IBTK: variants seen among roughly 807,000 people sequenced by gnomAD.
The protein encoded by IBTK is inhibitor of Bruton tyrosine kinase.
IBTK carries 83 observed loss-of-function variants against 154.9 expected under a neutral mutation model. The ratio of observed to expected loss-of-function variants is 0.54; its 90% CI spans 0.45 to 0.64. IBTK has a LOEUF of 0.64. Ranked by LOEUF, IBTK falls within the 30% of genes least tolerant of loss-of-function variation. IBTK has a pLI of 0.00. For missense variants in IBTK, 1,332 were observed against 1,584.6 expected (o/e 0.84, Z 2.71); for synonymous variants, 515 against 536.1 (o/e 0.96, Z 0.54).
intron 4 of IBTK, 136 bp from the exon 5 acceptor site, chr6:82,227,438 A>G: frequency 2.2e-6 from 1 of 453,060 alleles, no homozygotes; most frequent in East Asian, 3.5e-5. Context: ...TTTAATTTCC[A>G]CATTTTAAGT....
chr6:82,191,954 A>T, intron 23 of IBTK, 75 bp from the exon 24 acceptor site: 1 of 722,850 alleles, frequency 1.4e-6, no homozygotes, highest in East Asian at 2.7e-5. Flanking sequence ...CACTGAAATG[A>T]TAAGTGATAT....
chr6:82,191,295 A>G, intron 24 of IBTK, 79 bp from the exon 25 acceptor site: 2 of 1,109,926 alleles, frequency 1.8e-6, no homozygotes, highest in Non-Finnish European at 2.6e-6. Context: ...GCTAGAAATT[A>G]TATCAATTAA....
Position 82,247,696 on chromosome 6 carries a change from G to C in IBTK, c.-492C>G. ...CCAGTCCCCAGACCCGGGTCAGTTCGGCAGGCGGCTGCAATACAGCCGCTA... is the reference window on the plus strand; with the variant it reads ...CCAGTCCCCAGACCCGGGTCAGTTCCGCAGGCGGCTGCAATACAGCCGCTA... On this transcript the variant is annotated 5_prime_UTR_variant, in exon 1 of 29. Coordinates refer to ENST00000306270, the MANE Select transcript of IBTK (RefSeq NM_015525.4). The C allele has an allele frequency of 2.5e-6, 1 of 398,606 alleles. No individual in the cohort carries two copies. The highest frequency in any genetic ancestry group is 4.4e-6 in the Non-Finnish European group (1 of 226,142). The allele number at this position is 398,606 out of a possible 1,614,324, so 24.7% of individuals were successfully genotyped here.
intron 2 of IBTK, among the ~76,000 whole-genome samples, chr6:82,236,044 T>C (rs559652988): frequency 1.1e-3 from 164 of 152,274 alleles, no homozygotes; most frequent in African/African-American, 3.8e-3. Context: ...CAGCTACTTT[T>C]TGTATTTTTA....
chr6:82,220,789 A>G, intron 8 of IBTK, 76 bp from the exon 9 acceptor site: 1 of 1,178,838 alleles, frequency 8.5e-7, no homozygotes, highest in Non-Finnish European at 1.2e-6. Context: ...AGAAGTTAGT[A>G]TTCAAACAAC....
At position 82,235,850 on chromosome 6, in the gene IBTK, T is replaced by C. The variant is rs536551259; in HGVS notation, c.322-1595A>G. On this transcript the variant is annotated intron_variant, in intron 2 of 28. Coordinates refer to ENST00000306270, the MANE Select transcript of IBTK (RefSeq NM_015525.4). Reference sequence around the variant, plus strand: ...AATATTTATCAAGCATGTTCCTATTTGTTCATTAATTTTTGTTGTTATTGT... The same window carrying C: ...AATATTTATCAAGCATGTTCCTATTCGTTCATTAATTTTTGTTGTTATTGT... Among the ~76,000 whole-genome samples the C allele has an allele frequency of 1.9e-3, 288 of 152,226 alleles. 1 individual carries two copies. The highest frequency in any genetic ancestry group is 6.5e-3 in the African/African-American group (272 of 41,538).
chr6:82,175,336 A>G (rs1477354693), intron 26 of IBTK, among the ~76,000 whole-genome samples: 4 of 152,210 alleles, frequency 2.6e-5, no homozygotes. Flanking sequence ...CATGATAGGT[A>G]TTACTACTCT....
At chr6:82,195,130 TA>T (rs1768932034) in intron 22 of IBTK, among the ~76,000 whole-genome samples, 1 of 152,176 alleles carries the variant, frequency 6.6e-6, no homozygotes, top group Non-Finnish European at 1.5e-5. Context: ...AGGAAGTTAT[TA>T]AAATGATATG....
chr6:82,224,037 T>C (rs1770203749), intron 7 of IBTK, 31 bp downstream of exon 7: 2 of 1,158,428 alleles, frequency 1.7e-6, no homozygotes, highest in South Asian at 1.3e-5. Flanking sequence ...TCCAATTTAA[T>C]TTCCAGATAT....
rs752869195 is a variant in IBTK at position 82,172,401 on chromosome 6, T to C, written c.3909A>G (p.Glu1303=). Residue 1303 remains glutamate, a synonymous_variant, in exon 28 of 29, where the codon GAA becomes GAG. Transcript: ENST00000306270. ...QQEAALIRSR[E]KPLALIQIEE... ...TTACCTGAATCAGAGCCAACGGTTT[T>C]TCTCGACTTCTAATAAGAGCTGCTT... The C allele has an allele frequency of 1.1e-5, 18 of 1,613,806 alleles. No homozygotes were observed. Among genetic ancestry groups the C allele is most frequent in the Non-Finnish European group, 1.4e-5 (17 of 1,179,890 alleles).
At chr6:82,209,373 T>C (rs983065857) in intron 16 of IBTK, among the ~76,000 whole-genome samples, 1 of 152,184 alleles carries the variant, frequency 6.6e-6, no homozygotes. Flanking sequence ...TAAATATTAT[T>C]TGGCAATAAA....
chr6:82,201,225 AC>A (rs1478129078), intron 19 of IBTK, among the ~76,000 whole-genome samples, 196 bp downstream of exon 19: 1 of 152,098 alleles, frequency 6.6e-6, no homozygotes, highest in Non-Finnish European at 1.5e-5. Context: ...ATAAATATTA[AC>A]TTTATTATTA....
chr6:82,205,025 G>C (rs1228722923), intron 16 of IBTK, 67 bp from the exon 17 acceptor site: 1 of 853,450 alleles, frequency 1.2e-6, no homozygotes, highest in African/African-American at 1.8e-5. Context: ...AAAAAAATTT[G>C]AAGTAATTAG....
At chr6:82,217,856 C>T in intron 10 of IBTK, 104 bp downstream of exon 10, 1 of 730,354 alleles carries the variant, frequency 1.4e-6, no homozygotes, top group South Asian at 2.6e-5. Flanking sequence ...AAGATAAATA[C>T]ATAAAAGTAA....
In IBTK at chr6:82,210,845, GT is replaced by G; in HGVS notation, c.2477del (p.Tyr826SerfsTer9). Reference sequence around the variant, plus strand: ...TCACCACAGCTTCATCAGTATAGAGGTAGTCCAAAATAACTTTTAATATATC... The same window carrying G: ...TCACCACAGCTTCATCAGTATAGAGGAGTCCAAAATAACTTTTAATATATC... ...HSDILKVILD[Y>X]LYTDEAVVIK... is the part of the protein sequence containing the mutation. On this transcript the variant is annotated frameshift_variant, in exon 16 of 29. Transcript: ENST00000306270. LOFTEE classifies it high-confidence loss of function. The G allele has an allele frequency of 1.3e-6, 2 of 1,567,280 alleles. No homozygotes were observed. The highest frequency in any genetic ancestry group is 1.2e-5 in the South Asian group (1 of 84,718).
intron 12 of IBTK, 83 bp downstream of exon 12, chr6:82,214,144 A>T (rs1769768198): frequency 7.6e-7 from 1 of 1,317,760 alleles, no homozygotes; most frequent in Non-Finnish European, 1.0e-6. Flanking sequence ...TTTAGTAGAG[A>T]TGGGGTTTCA....
intron 24 of IBTK, 180 bp from the exon 25 acceptor site, chr6:82,191,396 C>T: frequency 1.7e-6 from 1 of 595,626 alleles, no homozygotes; most frequent in Non-Finnish European, 2.9e-6. Flanking sequence ...AAAATGCTCA[C>T]AAGTTTCAAC....
chr6:82,191,366 T>C (rs1405922953), intron 24 of IBTK, 150 bp from the exon 25 acceptor site: 1 of 657,548 alleles, frequency 1.5e-6, no homozygotes. Flanking sequence ...TATTTCATGT[T>C]ATTTTACCAT....
chr6:82,191,622 C>T (rs1188207540), intron 24 of IBTK, 165 bp downstream of exon 24: 1 of 692,718 alleles, frequency 1.4e-6, no homozygotes, highest in Non-Finnish European at 2.6e-6. Context: ...ATCTTTAGCA[C>T]ATATTTAAGA....
Sources: allele counts gnomAD v4.1 joint callset (sites outside exome capture counted in the v4.1 genomes callset), GRCh38; gene constraint gnomAD v4.1.1; transcripts MANE v1.5; gene names NCBI Gene and HGNC (gene_info 2026-07-23, HGNC 2026-07-21).